Variants in TMEM131 observed in about 807,000 individuals in gnomAD.
TMEM131 encodes the protein transmembrane protein 131, also known as 2610524E03Rik.
In TMEM131, 66 loss-of-function variants were observed where a neutral mutation model predicts 211.6. That is an observed-to-expected ratio of 0.31 (90% CI 0.26 to 0.38). The LOEUF (loss-of-function observed/expected upper bound fraction) is 0.38. Ranked by LOEUF, TMEM131 falls within the 10% of genes least tolerant of loss-of-function variation. The pLI is 1.00. For missense variants in TMEM131, 2,036 were observed against 2,299.3 expected, an observed-to-expected ratio of 0.89 and a Z score of 2.34; for synonymous variants, 844 against 841.3, an observed-to-expected ratio of 1.00 and a Z score of -0.06.
intron 3 of TMEM131, among the ~76,000 whole-genome samples, chr2:97,905,140 A>T (rs538168790): frequency 6.6e-6 from 1 of 152,264 alleles, no homozygotes; most frequent in African/African-American, 2.4e-5. Flanking sequence ...AACATTTCTT[A>T]AAAGTGCCAG....
At chr2:97,874,318 G>T (rs1197914966) in intron 4 of TMEM131, among the ~76,000 whole-genome samples, 1 of 152,170 alleles carries the variant, frequency 6.6e-6, no homozygotes, top group South Asian at 2.1e-4. Flanking sequence ...TTATCCAGGA[G>T]AACTTCTCCA....
At chr2:97,952,560 A>G (rs1157920087) in intron 1 of TMEM131, among the ~76,000 whole-genome samples, 8 of 152,194 alleles carry the variant, frequency 5.3e-5, no homozygotes, top group Non-Finnish European at 1.2e-4. Flanking sequence ...ATGCTGAAAT[A>G]TAAGAACTGA....
At chr2:97,917,859 G>C (rs904128030) in intron 2 of TMEM131, among the ~76,000 whole-genome samples, 3 of 152,106 alleles carry the variant, frequency 2.0e-5, no homozygotes, top group African/African-American at 7.2e-5. Flanking sequence ...TGACCACCAT[G>C]TGACCCAACT....
chr2:97,939,965 T>C (rs1485960646), intron 1 of TMEM131, among the ~76,000 whole-genome samples: 2 of 152,138 alleles, frequency 1.3e-5, no homozygotes, highest in African/African-American at 4.8e-5. Context: ...TTTGACAAAA[T>C]TCAACATCCC....
chr2:97,807,417 T>C (rs1043663246), intron 19 of TMEM131, among the ~76,000 whole-genome samples: 1 of 152,100 alleles, frequency 6.6e-6, no homozygotes, highest in Non-Finnish European at 1.5e-5. Context: ...CAACCACTGG[T>C]TGTTAAAAAA....
intron 5 of TMEM131, among the ~76,000 whole-genome samples, chr2:97,854,728 G>A (rs1331219775): frequency 1.3e-5 from 2 of 152,112 alleles, no homozygotes; most frequent in African/African-American, 2.4e-5. Flanking sequence ...ACTCTGGTCT[G>A]GCTGTCTTTG....
In TMEM131 at chr2:97,859,304, C is replaced by A; in HGVS notation, c.483G>T (p.Arg161Ser). 6.3e-7 allele frequency: 1 copy of A among 1,589,248 alleles called. No homozygotes were observed. The highest frequency in any genetic ancestry group is 1.2e-5 in the South Asian group (1 of 85,212). Reference sequence around the variant, plus strand: ...GATCATGTATAGCAGAGAAACTTACCCTATTTTGAAAAAATGATGCATGAA... The same window carrying A: ...GATCATGTATAGCAGAGAAACTTACACTATTTTGAAAAAATGATGCATGAA... ...SHFHASFFQN[R>S]KILPGGNTSF... is the part of the protein sequence containing the mutation. The change falls in exon 5 of 41, where the codon AGG becomes AGT. Residue 161 changes from arginine (R) to serine (S), a missense_variant and splice_region_variant. Around this residue, in one of 3 missense-constraint regions of TMEM131, gnomAD observed 277 missense variants for 378.0 expected, o/e 0.73. Transcript: ENST00000186436.
intron 1 of TMEM131, among the ~76,000 whole-genome samples, chr2:97,975,999 T>C (rs1679516520): frequency 1.3e-5 from 2 of 152,182 alleles, no homozygotes. Context: ...AGGCATTTGA[T>C]AAATATCCAT....
chr2:97,988,848 G>A (rs1318845289), intron 1 of TMEM131, among the ~76,000 whole-genome samples: 1 of 152,220 alleles, frequency 6.6e-6, no homozygotes, highest in African/African-American at 2.4e-5. Flanking sequence ...TGGAAATGTG[G>A]TGGTTGCTTA....
intron 4 of TMEM131, among the ~76,000 whole-genome samples, chr2:97,884,129 T>C (rs1675044785): frequency 6.6e-6 from 1 of 152,238 alleles, no homozygotes; most frequent in African/African-American, 2.4e-5. Context: ...ATTTCTATTT[T>C]CATTTGTCTC....
Position 97,796,873 on chromosome 2 carries a change from G to A in TMEM131, c.2984C>T (p.Thr995Met), listed in dbSNP as rs374107626. Residue 995 changes from threonine (T) to methionine (M), a missense_variant, in exon 27 of 41, where the codon ACG becomes ATG. Physicochemically the swap from Thr to Met is moderately conservative, Grantham distance 81 (BLOSUM62 -1). Transcript: ENST00000186436. The part of the protein sequence containing the change: ...GPGSSLRFKI[T>M]EALLKDCTDS... ...TGTACAATCTTTTAACAATGCTTCCGTGATTTTAAAGCGTAAGGAGCTTCC... is the reference window on the plus strand; with the variant it reads ...TGTACAATCTTTTAACAATGCTTCCATGATTTTAAAGCGTAAGGAGCTTCC... 3.7e-6 allele frequency: 6 copies of A among 1,613,924 alleles called. No individual in the cohort carries two copies. Among genetic ancestry groups the A allele is most frequent in the African/African-American group, 1.3e-5 (1 of 75,042 alleles).
At chr2:97,872,884 C>G (rs1167305720) in intron 4 of TMEM131, among the ~76,000 whole-genome samples, 1 of 152,170 alleles carries the variant, frequency 6.6e-6, no homozygotes, top group Non-Finnish European at 1.5e-5. Context: ...GGAACACCAG[C>G]AAGACAGAAC....
At chr2:97,962,087 G>C (rs1678842882) in intron 1 of TMEM131, among the ~76,000 whole-genome samples, 1 of 152,100 alleles carries the variant, frequency 6.6e-6, no homozygotes, top group Non-Finnish European at 1.5e-5. Context: ...AAATTTTTGT[G>C]ATCTTGTGGT....
chr2:97,962,605 A>T (rs1458111201), intron 1 of TMEM131, among the ~76,000 whole-genome samples: 1 of 152,204 alleles, frequency 6.6e-6, no homozygotes, highest in African/African-American at 2.4e-5. Context: ...GAACTCTCAC[A>T]TCCTGCTGGT....
intron 28 of TMEM131, among the ~76,000 whole-genome samples, chr2:97,795,372 TG>T (rs1364049621): frequency 6.6e-6 from 1 of 152,170 alleles, no homozygotes; most frequent in Non-Finnish European, 1.5e-5. Context: ...ATTCAGAAAA[TG>T]GTCCTGAGCT....
intron 1 of TMEM131, among the ~76,000 whole-genome samples, chr2:97,931,715 T>C (rs1677226222): frequency 6.6e-6 from 1 of 152,170 alleles, no homozygotes; most frequent in Admixed American, 6.5e-5. Context: ...ACTAGTCAAA[T>C]CAGCGATTTT....
intron 28 of TMEM131, among the ~76,000 whole-genome samples, 171 bp downstream of exon 28, chr2:97,796,047 T>A (rs1680744919): frequency 6.6e-6 from 1 of 152,034 alleles, no homozygotes; most frequent in Non-Finnish European, 1.5e-5. Flanking sequence ...GAAAAAAAAT[T>A]TACAACTTTG....
At chr2:97,769,198 G>T (rs1167430836) in intron 33 of TMEM131, among the ~76,000 whole-genome samples, 1 of 151,410 alleles carries the variant, frequency 6.6e-6, no homozygotes, top group Non-Finnish European at 1.5e-5. Context: ...TATTTTCCAG[G>T]CTGATCTTGA....
At chr2:97,868,588 C>T (rs565188582) in intron 4 of TMEM131, among the ~76,000 whole-genome samples, 1 of 152,212 alleles carries the variant, frequency 6.6e-6, no homozygotes, top group East Asian at 1.9e-4. Flanking sequence ...CTGCTTTACC[C>T]AGGGAAGCAA....
Sources: gnomAD v4.1 joint callset for allele counts (sites outside exome capture counted in the v4.1 genomes callset) on GRCh38, gnomAD v4.1.1 for gene constraint, gnomAD v4.1.1 regional missense constraint, MANE v1.5 for transcripts, NCBI Gene and HGNC (gene_info 2026-07-23, HGNC 2026-07-21) for gene names.